SLC9C2: variants seen among roughly 807,000 people sequenced by gnomAD.
SLC9C2 encodes sodium/hydrogen exchanger 11.
A neutral mutation model predicts 140.2 loss-of-function variants in SLC9C2; 75 were observed. The ratio of observed to expected loss-of-function variants is 0.53; its 90% CI spans 0.44 to 0.65. The LOEUF (loss-of-function observed/expected upper bound fraction) is 0.65. Among genes scored for constraint, SLC9C2 ranks in the 30% least tolerant of loss-of-function variants. The pLI is 0.00. For missense variants in SLC9C2, 1,074 were observed against 1,331.8 expected, an observed-to-expected ratio of 0.81 and a Z score of 3.01; for synonymous variants, 375 against 420.9, an observed-to-expected ratio of 0.89 and a Z score of 1.34.
intron 5 of SLC9C2, 112 bp downstream of exon 5, chr1:173,587,553 G>T: frequency 9.6e-7 from 1 of 1,042,952 alleles, no homozygotes; most frequent in Non-Finnish European, 1.3e-6. Context: ...GAAAAAAAAA[G>T]CACAGAGTCT....
intron 23 of SLC9C2, among the ~76,000 whole-genome samples, chr1:173,512,802 CTTA>C: frequency 6.6e-6 from 1 of 152,148 alleles, no homozygotes. Context: ...ATAAATAGTT[CTTA>C]TTATTTTGAG....
At chr1:173,512,911 G>A in intron 23 of SLC9C2, among the ~76,000 whole-genome samples, 1 of 152,200 alleles carries the variant, frequency 6.6e-6, no homozygotes, top group Middle Eastern at 3.2e-3. Context: ...AGATAATCAT[G>A]TGGTTTTGTC....
At chr1:173,518,273 A>C (rs1014631445) in intron 22 of SLC9C2, among the ~76,000 whole-genome samples, 1 of 151,680 alleles carries the variant, frequency 6.6e-6, no homozygotes, top group Non-Finnish European at 1.5e-5. Flanking sequence ...AAGAAAAAAA[A>C]AAAAAACCCA....
intron 9 of SLC9C2, among the ~76,000 whole-genome samples, chr1:173,560,715 C>A (rs572099333): frequency 5.3e-5 from 8 of 152,314 alleles, no homozygotes; most frequent in African/African-American, 1.9e-4. Flanking sequence ...TAGCACAGAG[C>A]AGGCTTTGCA....
At chr1:173,539,309 T>C (rs1662202629) in intron 13 of SLC9C2, among the ~76,000 whole-genome samples, 1 of 152,302 alleles carries the variant, frequency 6.6e-6, no homozygotes, top group East Asian at 1.9e-4. Context: ...AGGGGACCAA[T>C]TGAAAGTTAT....
At chr1:173,560,649 C>T (rs1235816360) in intron 9 of SLC9C2, among the ~76,000 whole-genome samples, 2 of 152,204 alleles carry the variant, frequency 1.3e-5, no homozygotes, top group African/African-American at 4.8e-5. Context: ...CCAACCCTCC[C>T]TCTCAGAATC....
At chr1:173,515,055 C>A (rs1660324216) in intron 23 of SLC9C2, among the ~76,000 whole-genome samples, 2 of 152,120 alleles carry the variant, frequency 1.3e-5, no homozygotes, top group Admixed American at 6.6e-5. Context: ...TTGTAGGTGA[C>A]CTGGCCTTTC....
intron 23 of SLC9C2, among the ~76,000 whole-genome samples, chr1:173,515,003 G>T (rs1660319293): frequency 6.6e-6 from 1 of 152,186 alleles, no homozygotes; most frequent in Non-Finnish European, 1.5e-5. Flanking sequence ...GGCTTGAAGG[G>T]TTTCGGCGGA....
chr1:173,582,845 G>A (rs1330564313), intron 6 of SLC9C2, among the ~76,000 whole-genome samples: 1 of 152,074 alleles, frequency 6.6e-6, no homozygotes, highest in Non-Finnish European at 1.5e-5. Context: ...TTCACTCTGA[G>A]ACCCAAATCC....
intron 9 of SLC9C2, among the ~76,000 whole-genome samples, chr1:173,559,575 C>T (rs904752678): frequency 1.3e-5 from 2 of 152,226 alleles, no homozygotes; most frequent in Admixed American, 6.5e-5. Context: ...CCCATTTGAC[C>T]CTAGGTTTGA....
chr1:173,505,271 T>G lies in SLC9C2; in HGVS notation c.3286A>C (p.Arg1096=), dbSNP rs1659553908. Reference sequence around the variant, plus strand: ...CCCATGACATTGGTGTTACTATTTCTTTGGGTAAGCTCAGATGCTTGGATT... The same window carrying G: ...CCCATGACATTGGTGTTACTATTTCGTTGGGTAAGCTCAGATGCTTGGATT... ...LIIQASELTQ[R]NSNTNVMASV... is the part of the protein sequence containing the mutation. The change falls in exon 26 of 28, where the codon AGA becomes CGA. Residue 1096 remains arginine, a synonymous_variant. Transcript: ENST00000367714. The G allele has an allele frequency of 5.0e-6, 8 of 1,614,116 alleles. No individual in the cohort carries two copies. The East Asian group carries it at 1.8e-4, about 36-fold the overall frequency.
At chr1:173,504,284 A>C (rs1458611289) in intron 26 of SLC9C2, among the ~76,000 whole-genome samples, 1 of 152,170 alleles carries the variant, frequency 6.6e-6, no homozygotes, top group South Asian at 2.1e-4. Flanking sequence ...AAGCTTAATT[A>C]CTTATTGAAT....
intron 7 of SLC9C2, among the ~76,000 whole-genome samples, chr1:173,579,601 A>G (rs1019301488): frequency 6.6e-6 from 1 of 152,216 alleles, no homozygotes; most frequent in African/African-American, 2.4e-5. Flanking sequence ...CTCCACAGCT[A>G]TGCGACTTAT....
intron 5 of SLC9C2, among the ~76,000 whole-genome samples, chr1:173,586,029 T>A (rs1313161267): frequency 6.6e-6 from 1 of 151,578 alleles, no homozygotes; most frequent in African/African-American, 2.4e-5. Flanking sequence ...TGAAAAAAAA[T>A]TGAATGTTGA....
chr1:173,549,482 G>C (rs1174471780), intron 11 of SLC9C2, among the ~76,000 whole-genome samples: 1 of 152,202 alleles, frequency 6.6e-6, no homozygotes, highest in Non-Finnish European at 1.5e-5. Context: ...CCCATATGAT[G>C]GGGCAACAGC....
In SLC9C2 at chr1:173,501,085, A is replaced by G; in HGVS notation, c.*9T>C. ...CATTAATACCCTTTTCTAAAATGGT[A>G]TCCAGTTTTCAACTATAAAAGAAAG... On this transcript the variant is annotated 3_prime_UTR_variant, in exon 28 of 28. Coordinates refer to ENST00000367714, the MANE Select transcript of SLC9C2 (RefSeq NM_178527.4). 2 of 1,536,284 alleles carry G rather than the reference A, an allele frequency of 1.3e-6. No individual in the cohort carries two copies. The highest frequency in any genetic ancestry group is 2.4e-5 in the East Asian group (1 of 41,392).
At position 173,548,374 on chromosome 1, in the gene SLC9C2, C is replaced by T. The variant is rs1663004078; in HGVS notation, c.1461+15G>A. The T allele has an allele frequency of 3.1e-6, 5 of 1,598,850 alleles. No individual in the cohort carries two copies. The Middle Eastern group carries it at 7.2e-4, about 231-fold the overall frequency. ...GAAGGAAAGGAAAACTACTTTTTGC[C>T]AGGTATCAACTCACAGGAATGTATT... On this transcript the variant is annotated intron_variant, in intron 12 of 27. Coordinates refer to ENST00000367714, the MANE Select transcript of SLC9C2 (RefSeq NM_178527.4).
chr1:173,579,696 T>C (rs979183930), intron 7 of SLC9C2, among the ~76,000 whole-genome samples: 9 of 152,220 alleles, frequency 5.9e-5, no homozygotes, highest in Non-Finnish European at 1.2e-4. Context: ...CTCAAATATA[T>C]TTTTGGTAAA....
chr1:173,550,872 A>AGAGAGAGAGAGAGAG (rs1663237327), intron 11 of SLC9C2, among the ~76,000 whole-genome samples: 2 of 86,508 alleles, frequency 2.3e-5, no homozygotes, highest in African/African-American at 1.3e-4. Context: ...GAGCCGTTGA[A>AGAGAGAGAGAGAGAG]AGAGAGAGAG....
Sources: gnomAD v4.1 joint callset for allele counts (sites outside exome capture counted in the v4.1 genomes callset) on GRCh38, gnomAD v4.1.1 for gene constraint, MANE v1.5 for transcripts, NCBI Gene and HGNC (gene_info 2026-07-23, HGNC 2026-07-21) for gene names.